Variants in SFI1 observed in about 807,000 individuals in gnomAD.
SFI1 encodes SFI1 centrin binding protein, also known as protein SFI1 homolog.
A neutral mutation model predicts 207.5 loss-of-function variants in SFI1; 195 were observed. That is an observed-to-expected ratio of 0.94 (90% confidence interval 0.84 to 1.06). SFI1 has a LOEUF of 1.06. Ranked by LOEUF, SFI1 falls within the 50% of genes least tolerant of loss-of-function variation. The pLI is 0.00. For synonymous variants in SFI1, 630 were observed against 598.9 expected (o/e 1.05, Z -0.76); for missense variants, 1,634 against 1,588.0 (o/e 1.03, Z -0.49).
chr22:31,543,648 A>G (rs1233341335), intron 4 of SFI1, among the ~76,000 whole-genome samples: 1 of 151,306 alleles, frequency 6.6e-6, no homozygotes, highest in Non-Finnish European at 1.5e-5. Flanking sequence ...CATCTTTACT[A>G]AAAGTACAAA....
intron 6 of SFI1, among the ~76,000 whole-genome samples, chr22:31,552,548 G>A (rs1207155056): frequency 6.6e-6 from 1 of 152,164 alleles, no homozygotes; most frequent in Non-Finnish European, 1.5e-5. Context: ...CACCACGCCC[G>A]GCTGTGGTGT....
chr22:31,498,023 G>A (rs2053032334), intron 1 of SFI1, among the ~76,000 whole-genome samples: 1 of 152,228 alleles, frequency 6.6e-6, no homozygotes, highest in Non-Finnish European at 1.5e-5. Context: ...GGCTGGGCAT[G>A]GTGGCTCATG....
intron 28 of SFI1, 86 bp downstream of exon 28, chr22:31,614,946 G>A (rs2147393114): frequency 6.3e-7 from 1 of 1,581,058 alleles, no homozygotes; most frequent in East Asian, 2.3e-5. Flanking sequence ...TGGGGCCTGT[G>A]TTTTGGCAGC....
Position 31,604,896 on chromosome 22 carries a change from C to A in SFI1, c.2005C>A (p.Leu669Ile). 1 of 1,611,972 alleles carries A rather than the reference C, an allele frequency of 6.2e-7. No individual in the cohort carries two copies. Among genetic ancestry groups the A allele is most frequent in the Non-Finnish European group, 8.5e-7 (1 of 1,178,952 alleles). ...VTYQGRVRSI[L>I]REVAARESQH... is the part of the protein sequence containing the mutation. Reference sequence around the variant, plus strand: ...TTACCAGGGCAGGGTGCGAAGCATCCTCCGGGAGGTGGCAGCCAGGGAGAG... The same window carrying A: ...TTACCAGGGCAGGGTGCGAAGCATCATCCGGGAGGTGGCAGCCAGGGAGAG... Residue 669 changes from leucine to isoleucine, a missense_variant, in exon 20 of 33, where the codon CTC becomes ATC. Coordinates refer to ENST00000400288, the MANE Select transcript of SFI1 (RefSeq NM_001007467.3).
chr22:31,557,188 G>GT (rs2061251913), intron 7 of SFI1, 129 bp downstream of exon 7: 3 of 649,602 alleles, frequency 4.6e-6, no homozygotes, highest in African/African-American at 1.8e-5. Flanking sequence ...TTTGTGTTTT[G>GT]TTTTTTTCGA....
rs1275178519 is a variant in SFI1, at chr22:31,604,806, G to A, written c.1978-63G>A. ...GCCTTGTGGTAGATGCACCTCTGAG[G>A]CCTGCCTAAACAGGGGGAAGTGTGG... is the stretch of plus-strand genomic sequence containing the variant. On this transcript the variant is annotated intron_variant, in intron 19 of 32. Coordinates refer to ENST00000400288, the MANE Select transcript of SFI1 (RefSeq NM_001007467.3). 3 of 1,490,530 alleles carry A rather than the reference G, an allele frequency of 2.0e-6. No individual in the cohort carries two copies. The Admixed American group carries it at 5.4e-5, about 27-fold the overall frequency. The allele number at this position is 1,490,530 out of a possible 1,614,324, so 92.3% of individuals were successfully genotyped here. A position where few individuals can be genotyped will look rare whatever the true frequency, so the allele number is the denominator to read the frequency against.
At chr22:31,583,239 A>G (rs1461366792) in intron 12 of SFI1, among the ~76,000 whole-genome samples, 4 of 152,068 alleles carry the variant, frequency 2.6e-5, no homozygotes, top group Non-Finnish European at 5.9e-5. Context: ...TCAGCCTCCC[A>G]AGTAGCTGGG....
intron 15 of SFI1, among the ~76,000 whole-genome samples, chr22:31,595,275 C>T (rs2066935759): frequency 6.6e-6 from 1 of 152,116 alleles, no homozygotes; most frequent in African/African-American, 2.4e-5. Context: ...GGATTACAGG[C>T]ATGAGCCACC....
intron 8 of SFI1, among the ~76,000 whole-genome samples, chr22:31,565,045 G>A (rs1410668966): frequency 2.1e-5 from 3 of 145,456 alleles, no homozygotes; most frequent in Non-Finnish European, 4.5e-5. Context: ...GGATGGTCTC[G>A]ATCTCCTGAC....
chr22:31,553,836 A>ATTAT (rs1201513765), intron 6 of SFI1, among the ~76,000 whole-genome samples: 1 of 21,954 alleles, frequency 4.6e-5, no homozygotes, highest in African/African-American at 1.4e-4. Flanking sequence ...TTAATGGATT[A>ATTAT]TGTTTTTTTT....
intron 2 of SFI1, among the ~76,000 whole-genome samples, chr22:31,513,801 A>C (rs1326316146): frequency 1.3e-5 from 2 of 151,216 alleles, no homozygotes; most frequent in South Asian, 2.1e-4. Context: ...GGCTGGTCTC[A>C]AACTCCTGAC....
intron 2 of SFI1, among the ~76,000 whole-genome samples, chr22:31,513,561 C>CGTTTTGTTTT (rs140696308): frequency 0.14 from 20,180 of 145,958 alleles, 1,735 homozygotes; most frequent in East Asian, 0.37. Flanking sequence ...TTTGGTTTTT[C>CGTTTTGTTTT]GTTTTGTTTT....
chr22:31,501,300 T>C (rs1300147182), intron 1 of SFI1, among the ~76,000 whole-genome samples: 1 of 151,634 alleles, frequency 6.6e-6, no homozygotes, highest in Non-Finnish European at 1.5e-5. Context: ...GCCTCCCGAG[T>C]AGCTGGGACT....
At position 31,578,476 on chromosome 22, in the gene SFI1, G is replaced by A. The variant is rs371715366; in HGVS notation, c.1155+24G>A. The A allele has an allele frequency of 7.2e-5, 116 of 1,606,056 alleles. No homozygotes were observed. In the African/African-American group the frequency reaches 1.1e-3, roughly 15 times the overall value. ...TGGTAAGAGCCCTGCATCCTGGCAC[G>A]GGTCCGCTTGGCAGCCTTGCTTGGG... On this transcript the variant is annotated intron_variant, in intron 11 of 32. Coordinates refer to ENST00000400288, the MANE Select transcript of SFI1 (RefSeq NM_001007467.3).
intron 21 of SFI1, chr22:31,606,857 C>T (rs1447312322): frequency 6.3e-6 from 1 of 158,806 alleles, no homozygotes; most frequent in African/African-American, 2.4e-5. Flanking sequence ...GCCACCACGT[C>T]CGACTAATTT....
intron 31 of SFI1, among the ~76,000 whole-genome samples, chr22:31,617,538 T>C (rs2147519782): frequency 6.6e-6 from 1 of 152,042 alleles, no homozygotes; most frequent in South Asian, 2.1e-4. Context: ...CTGGCCAATA[T>C]GGTGAAACCC....
chr22:31,607,360 T>G (rs10222293), intron 21 of SFI1, among the ~76,000 whole-genome samples: 1 of 152,132 alleles, frequency 6.6e-6, no homozygotes. Flanking sequence ...CCCAGCACTT[T>G]AGGAGACTGA....
At chr22:31,540,857 A>G (rs943569164) in intron 4 of SFI1, among the ~76,000 whole-genome samples, 4 of 152,080 alleles carry the variant, frequency 2.6e-5, no homozygotes, top group Non-Finnish European at 5.9e-5. Context: ...GGGATTATAG[A>G]CATGACACTG....
At chr22:31,498,727 C>T (rs1285968003) in intron 1 of SFI1, among the ~76,000 whole-genome samples, 1 of 151,788 alleles carries the variant, frequency 6.6e-6, no homozygotes, top group Non-Finnish European at 1.5e-5. Context: ...ACTCAAGACC[C>T]GAGTGGAGGA....
Sources: gnomAD v4.1 joint callset for allele counts (sites outside exome capture counted in the v4.1 genomes callset) on GRCh38, gnomAD v4.1.1 for gene constraint, MANE v1.5 for transcripts, NCBI Gene and HGNC (gene_info 2026-07-23, HGNC 2026-07-21) for gene names.